The following TYW1B variants were observed in gnomAD, a reference collection of about 807,000 sequenced individuals.
TYW1B encodes S-adenosyl-L-methionine-dependent tRNA 4-demethylwyosine synthase TYW1B.
Under a neutral mutation model 86.9 loss-of-function variants are expected in TYW1B, and 73 were observed. The ratio of observed to expected loss-of-function variants is 0.84; its 90% CI spans 0.70 to 1.02. TYW1B has a LOEUF of 1.02. Ranked by LOEUF, TYW1B falls within the 50% of genes least tolerant of loss-of-function variation. TYW1B has a pLI of 0.00. For synonymous variants in TYW1B, 248 were observed against 292.8 expected, an observed-to-expected ratio of 0.85 and a Z score of 1.56; for missense variants, 637 against 827.4, an observed-to-expected ratio of 0.77 and a Z score of 2.82.
In TYW1B at chr7:72,637,969, T is replaced by C. The variant is rs186743505; in HGVS notation, c.1507-8972A>G. On this transcript the variant is annotated intron_variant, in intron 11 of 13. Coordinates refer to ENST00000620995, the MANE Select transcript of TYW1B (RefSeq NM_001145440.3). ...GTTGCTCTTTTGAAAGTAATCTCTCTTTATCTCTGCCTGCTTTTAAAAATT... is the reference window on the plus strand; with the variant it reads ...GTTGCTCTTTTGAAAGTAATCTCTCCTTATCTCTGCCTGCTTTTAAAAATT... Among the ~76,000 whole-genome samples the C allele has an allele frequency of 3.6e-3, 538 of 148,242 alleles. 5 individuals carry two copies. Among genetic ancestry groups the C allele is most frequent in the Non-Finnish European group, 5.0e-3 (339 of 67,914 alleles).
intron 2 of TYW1B, among the ~76,000 whole-genome samples, chr7:72,820,914 T>C (rs1333225985): frequency 6.6e-6 from 1 of 152,218 alleles, no homozygotes; most frequent in African/African-American, 2.4e-5. Flanking sequence ...GAGTTACTTA[T>C]GCGAAAATAT....
In TYW1B at chr7:72,709,650, A is replaced by G. The variant is rs370574146; in HGVS notation, c.1370+3971T>C. Among the ~76,000 whole-genome samples the G allele has an allele frequency of 2.7e-3, 418 of 152,280 alleles. 1 individual carries two copies. Among genetic ancestry groups the G allele is most frequent in the African/African-American group, 3.9e-3 (164 of 41,574 alleles). On this transcript the variant is annotated intron_variant, in intron 10 of 13. Transcript: ENST00000620995. ...GCCATTGCACTCTAGCCTGGGTGAC[A>G]GAGCGAGACTCCGTCTCAAAAACAA...
At chr7:72,653,897 T>C (rs1347153839) in intron 11 of TYW1B, among the ~76,000 whole-genome samples, 1 of 151,832 alleles carries the variant, frequency 6.6e-6, no homozygotes, top group East Asian at 1.9e-4. Context: ...CCAACCAACA[T>C]AGCTGAACCC....
At chr7:72,709,960 T>C (rs1786605007) in intron 10 of TYW1B, among the ~76,000 whole-genome samples, 1 of 152,200 alleles carries the variant, frequency 6.6e-6, no homozygotes, top group South Asian at 2.1e-4. Flanking sequence ...ACGAACATCT[T>C]GTCGTATTCC....
intron 11 of TYW1B, among the ~76,000 whole-genome samples, chr7:72,673,793 G>A (rs1813669534): frequency 6.6e-6 from 1 of 152,064 alleles, no homozygotes; most frequent in Non-Finnish European, 1.5e-5. Context: ...ATGCTGGAGA[G>A]GATAGATACC....
chr7:72,697,548 A>G (rs1264163234), intron 10 of TYW1B, among the ~76,000 whole-genome samples: 1 of 152,178 alleles, frequency 6.6e-6, no homozygotes, highest in Admixed American at 6.6e-5. Flanking sequence ...CTATTCACCC[A>G]GAAGAGATAA....
At chr7:72,666,556 A>G (rs1813467291) in intron 11 of TYW1B, among the ~76,000 whole-genome samples, 1 of 152,196 alleles carries the variant, frequency 6.6e-6, no homozygotes, top group South Asian at 2.1e-4. Flanking sequence ...TATATACCCA[A>G]TACATTTAAA....
At chr7:72,589,233 G>A (rs1329332904) in intron 13 of TYW1B, among the ~76,000 whole-genome samples, 5 of 152,174 alleles carry the variant, frequency 3.3e-5, no homozygotes, top group African/African-American at 1.2e-4. Context: ...GCTTACCACG[G>A]TAACCTTAAT....
At chr7:72,576,849 G>A (rs1210559251) in intron 13 of TYW1B, among the ~76,000 whole-genome samples, 6 of 151,452 alleles carry the variant, frequency 4.0e-5, no homozygotes, top group Non-Finnish European at 7.4e-5. Flanking sequence ...ACTAATGGCC[G>A]GGCATGGTGG....
chr7:72,746,686 A>G (rs2129571388), intron 7 of TYW1B, among the ~76,000 whole-genome samples: 1 of 152,300 alleles, frequency 6.6e-6, no homozygotes, highest in South Asian at 2.1e-4. Flanking sequence ...AAGAGAGACC[A>G]GAGATCTCTC....
At chr7:72,684,840 G>A (rs1243236146) in intron 11 of TYW1B, among the ~76,000 whole-genome samples, 1 of 152,178 alleles carries the variant, frequency 6.6e-6, no homozygotes, top group African/African-American at 2.4e-5. Flanking sequence ...GCTGGGCACA[G>A]TGGGTCAAGC....
chr7:72,609,915 A>ATTACTTTTGGATGGG, intron 13 of TYW1B, among the ~76,000 whole-genome samples: 3 of 152,142 alleles, frequency 2.0e-5, no homozygotes, highest in Non-Finnish European at 4.4e-5. Context: ...TTTCTGTATT[A>ATTACTTTTGGATGGG]TTTCCTCATG....
intron 13 of TYW1B, among the ~76,000 whole-genome samples, chr7:72,615,493 A>AG (rs1343635256): frequency 1.3e-5 from 2 of 152,196 alleles, no homozygotes; most frequent in African/African-American, 4.8e-5. Flanking sequence ...CCTAGGCTTG[A>AG]CTTGATTTCT....
intron 6 of TYW1B, among the ~76,000 whole-genome samples, chr7:72,785,841 A>C (rs1241379622): frequency 2.0e-5 from 3 of 152,182 alleles, no homozygotes; most frequent in Non-Finnish European, 4.4e-5. Context: ...AGCCAGGCTT[A>C]GTGGCTCGCA....
intron 6 of TYW1B, among the ~76,000 whole-genome samples, chr7:72,785,460 T>A (rs1384268048): frequency 6.8e-6 from 1 of 147,864 alleles, no homozygotes; most frequent in Non-Finnish European, 1.5e-5. Flanking sequence ...ATACTATTAT[T>A]TTATAAAAAA....
intron 11 of TYW1B, among the ~76,000 whole-genome samples, chr7:72,655,974 A>G (rs1813192285): frequency 6.6e-6 from 1 of 152,214 alleles, no homozygotes; most frequent in Non-Finnish European, 1.5e-5. Context: ...GGCCCAGCCC[A>G]TGACTGCCAC....
At chr7:72,711,021 C>G (rs1786650170) in intron 10 of TYW1B, among the ~76,000 whole-genome samples, 1 of 152,094 alleles carries the variant, frequency 6.6e-6, no homozygotes. Context: ...GAAATCACTT[C>G]CAACTACAAG....
intron 2 of TYW1B, among the ~76,000 whole-genome samples, chr7:72,819,552 C>A (rs1554480073): frequency 6.6e-6 from 1 of 152,158 alleles, no homozygotes; most frequent in African/African-American, 2.4e-5. Context: ...CCCACCTCAG[C>A]CACCCGAGTA....
chr7:72,738,661 T>C (rs1410544760), intron 8 of TYW1B, among the ~76,000 whole-genome samples: 1 of 152,126 alleles, frequency 6.6e-6, no homozygotes, highest in East Asian at 1.9e-4. Flanking sequence ...GGACAAGAAA[T>C]AGCAATTTTG....
Sources: allele counts gnomAD v4.1 joint callset (sites outside exome capture counted in the v4.1 genomes callset), GRCh38; gene constraint gnomAD v4.1.1; transcripts MANE v1.5; gene names NCBI Gene and HGNC (gene_info 2026-07-23, HGNC 2026-07-21).